NELFA: variants seen among roughly 807,000 people sequenced by gnomAD.
NELFA encodes negative elongation factor complex member A.
A neutral mutation model predicts 51.8 loss-of-function variants in NELFA; 35 were observed. The observed-to-expected ratio is 0.68, with a 90% CI of 0.52 to 0.90. NELFA has a LOEUF of 0.90. NELFA is among the 40% of genes least tolerant of loss of function. The pLI is 0.00. For synonymous variants in NELFA, 417 were observed against 338.4 expected (o/e 1.23, Z -2.55); for missense variants, 658 against 746.4 (o/e 0.88, Z 1.38).
At chr4:2,005,132 A>G (rs1728677492) in intron 1 of NELFA, among the ~76,000 whole-genome samples, 1 of 142,224 alleles carries the variant, frequency 7.0e-6, no homozygotes, top group South Asian at 2.2e-4. Context: ...AAAAAAATTC[A>G]TGATTAAAAG....
intron 1 of NELFA, among the ~76,000 whole-genome samples, chr4:2,004,534 C>T (rs763703045): frequency 7.2e-5 from 11 of 151,964 alleles, no homozygotes; most frequent in Non-Finnish European, 1.5e-4. Context: ...GTCGGCCAGG[C>T]TAGAGTGCAG....
chr4:1,991,987 T>G (rs987941624), intron 1 of NELFA: 5 of 401,022 alleles, frequency 1.2e-5, no homozygotes, highest in African/African-American at 7.0e-5. Flanking sequence ...CCCAGTCCAC[T>G]GGGCCTACTC....
chr4:1,989,681 T>C lies in NELFA; in HGVS notation c.544+27A>G, dbSNP rs1437891916. On this transcript the variant is annotated intron_variant, in intron 3 of 10. Transcript: ENST00000382882. This position sits in a 1 kb window ranked among gnomAD's most constrained non-coding sequence, Gnocchi z 4.8. The stretch of plus-strand genomic sequence containing the variant: ...CTATGACTGGAAACTACAAAGACAA[T>C]GCCCGATGGCGGCCGCGGCCACTCA... The C allele has an allele frequency of 6.2e-7, 1 of 1,605,780 alleles. No homozygotes were observed. The highest frequency in any genetic ancestry group is 1.3e-5 in the African/African-American group (1 of 74,630).
chr4:1,988,081 C>A, intron 3 of NELFA, 74 bp from the exon 4 acceptor site: 1 of 1,270,952 alleles, frequency 7.9e-7, no homozygotes, highest in South Asian at 1.3e-5. Context: ...ACATCTCTGT[C>A]AAGTGGATTC....
At chr4:1,987,788 AC>A in intron 4 of NELFA, 129 bp downstream of exon 4, 1 of 776,068 alleles carries the variant, frequency 1.3e-6, no homozygotes, top group Non-Finnish European at 2.0e-6. Flanking sequence ...TCGCTTTCCC[AC>A]GGGCTCCCAA....
chr4:2,004,302 T>C (rs1405681573), intron 1 of NELFA, among the ~76,000 whole-genome samples: 2 of 152,188 alleles, frequency 1.3e-5, no homozygotes, highest in South Asian at 2.1e-4. Flanking sequence ...AGTAGATTAC[T>C]AGTCACCTAG....
chr4:1,999,569 G>A (rs1290588889), intron 1 of NELFA, among the ~76,000 whole-genome samples: 1 of 152,016 alleles, frequency 6.6e-6, no homozygotes, highest in Non-Finnish European at 1.5e-5. Flanking sequence ...AATGGTAAAG[G>A]GAACAATTCG....
chr4:1,993,207 C>G (rs1052879852), intron 1 of NELFA, among the ~76,000 whole-genome samples: 3 of 152,192 alleles, frequency 2.0e-5, no homozygotes, highest in Non-Finnish European at 2.9e-5. Flanking sequence ...ACAAAAAGGA[C>G]CACTGTTGTG....
intron 1 of NELFA, among the ~76,000 whole-genome samples, chr4:1,993,908 C>T (rs1300372951): frequency 6.6e-6 from 1 of 151,092 alleles, no homozygotes; most frequent in East Asian, 2.0e-4. Flanking sequence ...TCCAGCGATT[C>T]TCCTGCCTCA....
rs551553688 is a variant in NELFA at position 1,990,911 on chromosome 4, C to CT, written c.382+632dup. 2.8e-3 allele frequency among the ~76,000 whole-genome samples: 433 copies of CT among 152,370 alleles called. 1 individual carries two copies. The highest frequency in any genetic ancestry group is 9.8e-3 in the African/African-American group (408 of 41,586). On this transcript the variant is annotated intron_variant, in intron 2 of 10. Transcript: ENST00000382882. ...GGCCTCCCAGGCTCAAGTGATCCTC[C>CT]TGACTCAGCCTCCCAAGTACCTGGG... is the stretch of plus-strand genomic sequence containing the variant.
At chr4:1,999,628 C>T (rs1728520409) in intron 1 of NELFA, among the ~76,000 whole-genome samples, 1 of 152,150 alleles carries the variant, frequency 6.6e-6, no homozygotes, top group Non-Finnish European at 1.5e-5. Context: ...CAGGAGCACC[C>T]AGATTCATAA....
At position 1,984,088 on chromosome 4, in the gene NELFA, G is replaced by A; in HGVS notation, c.1062C>T (p.Arg354=). 6.3e-7 allele frequency: 1 copy of A among 1,581,884 alleles called. No individual in the cohort carries two copies. Among genetic ancestry groups the A allele is most frequent in the Non-Finnish European group, 8.5e-7 (1 of 1,170,212 alleles). Reference sequence around the variant, plus strand: ...TCGGGGCGCTGGGCTCCTCTGGTGGGCGGCTGGCTTCCCGGGAAGATGGGG... The same window carrying A: ...TCGGGGCGCTGGGCTCCTCTGGTGGACGGCTGGCTTCCCGGGAAGATGGGG... ...PPAPSSREAS[R]PPEEPSAPSP... is the part of the protein sequence containing the mutation. The change falls in exon 9 of 11, where the codon CGC becomes CGT. Residue 354 remains arginine, a synonymous_variant. Transcript: ENST00000382882.
At position 2,002,187 on chromosome 4, in the gene NELFA, G is replaced by A. The variant is rs186352739; in HGVS notation, c.210+6563C>T. On this transcript the variant is annotated intron_variant, in intron 1 of 10. Coordinates refer to ENST00000382882, the MANE Select transcript of NELFA (RefSeq NM_005663.5). ...TGCACTCCAGCCTGGGCGACAAAGC[G>A]AGACTCCATCTCAGAAAAAAAAAGA... is the stretch of plus-strand genomic sequence containing the variant. Among the ~76,000 whole-genome samples the A allele has an allele frequency of 6.1e-3, 925 of 152,050 alleles. 25 individuals carry two copies. Among genetic ancestry groups the A allele is most frequent in the Admixed American group, 0.053 (803 of 15,242 alleles).
rs890759835 is a variant in NELFA, at chr4:1,983,288, C to A, written c.*31G>T. The A allele has an allele frequency of 6.3e-7, 1 of 1,594,876 alleles. No individual in the cohort carries two copies. Among genetic ancestry groups the A allele is most frequent in the Non-Finnish European group, 8.6e-7 (1 of 1,166,604 alleles). On this transcript the variant is annotated 3_prime_UTR_variant, in exon 11 of 11. Transcript: ENST00000382882. Reference sequence around the variant, plus strand: ...AAAGCCATCGTCCCGTGGACCCCCACAAGTGACGGCCAGCTGTGAGGCAGG... The same window carrying A: ...AAAGCCATCGTCCCGTGGACCCCCAAAAGTGACGGCCAGCTGTGAGGCAGG...
Position 1,983,847 on chromosome 4 carries a change from C to T in NELFA, c.1302+1G>A. On this transcript the variant is annotated splice_donor_variant, in intron 9 of 10. Coordinates refer to ENST00000382882, the MANE Select transcript of NELFA (RefSeq NM_005663.5). LOFTEE classifies it high-confidence loss of function. ...TGTGGGCCCTACCAGTGTACACCTA[C>T]CGTGAGGGACAGGTTCTTCTTAGGC... 6.4e-7 allele frequency: 1 copy of T among 1,571,740 alleles called. No individual in the cohort carries two copies. Among genetic ancestry groups the T allele is most frequent in the Non-Finnish European group, 8.6e-7 (1 of 1,158,344 alleles).
chr4:2,008,701 G>A (rs1392560397), intron 1 of NELFA, 49 bp downstream of exon 1: 4 of 1,561,142 alleles, frequency 2.6e-6, no homozygotes, highest in East Asian at 2.3e-5. Flanking sequence ...CGGGTCGGAG[G>A]TGGGAAGGTT....
intron 4 of NELFA, 58 bp from the exon 5 acceptor site, chr4:1,986,460 C>CT (rs1198380465): frequency 6.3e-7 from 1 of 1,596,584 alleles, no homozygotes; most frequent in African/African-American, 1.5e-5. Context: ...GTCCCCCACC[C>CT]CGAGCTCAGA....
In NELFA at chr4:1,996,512, TC is replaced by T. The variant is rs531560197; in HGVS notation, c.211-4798del. Among the ~76,000 whole-genome samples the T allele has an allele frequency of 1.4e-4, 21 of 152,190 alleles. 1 individual carries two copies. The South Asian group carries it at 4.2e-3, about 30-fold the overall frequency. ...AGAAAGAAAATTAGTGAAACAGAAA[TC>T]CAAGTTCAACAAAGCCAGAAGCTGG... On this transcript the variant is annotated intron_variant, in intron 1 of 10. Transcript: ENST00000382882.
At position 1,984,875 on chromosome 4, in the gene NELFA, G is replaced by C; in HGVS notation, c.969C>G (p.Ser323Arg). The part of the protein sequence containing the change: ...LNNEPALPST[S>R]YLPSTPSVVP... ...CCACGCTGGGCGTGGAGGGAAGGTA[G>C]CTCGTGGAGGGCAGCGCAGGCTCAT... is the stretch of plus-strand genomic sequence containing the variant. The change falls in exon 8 of 11, where the codon AGC becomes AGG. Residue 323 changes from serine (S) to arginine (R), a missense_variant. By Grantham distance (110) the Ser-to-Arg change is moderately radical. Coordinates refer to ENST00000382882, the MANE Select transcript of NELFA (RefSeq NM_005663.5). The C allele has an allele frequency of 1.3e-6, 2 of 1,581,158 alleles. No homozygotes were observed. The highest frequency in any genetic ancestry group is 1.7e-6 in the Non-Finnish European group (2 of 1,162,814).
Sources: allele counts gnomAD v4.1 joint callset (sites outside exome capture counted in the v4.1 genomes callset), GRCh38; gene constraint gnomAD v4.1.1; non-coding constraint Gnocchi (gnomAD v3.1); transcripts MANE v1.5; gene names NCBI Gene and HGNC (gene_info 2026-07-23, HGNC 2026-07-21).